Variants in LPP observed in about 807,000 individuals in gnomAD.
The protein encoded by LPP is lipoma-preferred partner.
In LPP, 38 loss-of-function variants were observed where a neutral mutation model predicts 60.4. The observed-to-expected ratio is 0.63, with a 90% CI of 0.49 to 0.83. The LOEUF (loss-of-function observed/expected upper bound fraction) is 0.83, where lower values mean the gene tolerates loss of function less well. Among genes scored for constraint, LPP ranks in the 40% least tolerant of loss-of-function variants. The pLI is 0.00. For missense variants in LPP, 902 were observed against 783.6 expected, an observed-to-expected ratio of 1.15 and a Z score of -1.80; for synonymous variants, 328 against 290.8, an observed-to-expected ratio of 1.13 and a Z score of -1.30.
chr3:188,681,557 C>T (rs1027714981), intron 7 of LPP, among the ~76,000 whole-genome samples: 8 of 152,084 alleles, frequency 5.3e-5, no homozygotes, highest in Non-Finnish European at 8.8e-5. Flanking sequence ...ATGCTTCCTG[C>T]GGACAGGATA....
chr3:188,818,608 A>G (rs1363724944), intron 9 of LPP, among the ~76,000 whole-genome samples: 2 of 152,176 alleles, frequency 1.3e-5, no homozygotes, highest in Non-Finnish European at 2.9e-5. Flanking sequence ...AGCTATTTAT[A>G]TGTGAGATTG....
chr3:188,655,090 C>T (rs1486807660), intron 7 of LPP, among the ~76,000 whole-genome samples: 1 of 152,052 alleles, frequency 6.6e-6, no homozygotes, highest in Non-Finnish European at 1.5e-5. Context: ...CAACTATGAC[C>T]AGAAGATACA....
At chr3:188,367,809 A>T (rs1036061885) in intron 3 of LPP, among the ~76,000 whole-genome samples, 1 of 152,176 alleles carries the variant, frequency 6.6e-6, no homozygotes, top group Non-Finnish European at 1.5e-5. Context: ...AATAAGCACA[A>T]CTTTCTTTTC....
intron 1 of LPP, among the ~76,000 whole-genome samples, chr3:188,222,303 C>T (rs534688020): frequency 3.5e-4 from 53 of 152,192 alleles, no homozygotes; most frequent in African/African-American, 7.2e-4. Flanking sequence ...GCTTACAAGA[C>T]GTGGTTTTAG....
intron 3 of LPP, among the ~76,000 whole-genome samples, chr3:188,360,254 A>G (rs1768881902): frequency 6.6e-6 from 1 of 152,120 alleles, no homozygotes. Context: ...AACCTGAGAG[A>G]GTGTGGGAGA....
chr3:188,251,097 C>G (rs546159021), intron 2 of LPP, among the ~76,000 whole-genome samples: 5 of 143,526 alleles, frequency 3.5e-5, no homozygotes, highest in Admixed American at 2.1e-4. Context: ...CTCTTTCTCT[C>G]TCTCTCTTTC....
intron 2 of LPP, among the ~76,000 whole-genome samples, chr3:188,267,485 A>C (rs1735991601): frequency 6.6e-6 from 1 of 152,174 alleles, no homozygotes; most frequent in African/African-American, 2.4e-5. Flanking sequence ...AAAATAATCA[A>C]AGTGCAGTTA....
At chr3:188,417,220 A>C (rs1008997945) in intron 4 of LPP, among the ~76,000 whole-genome samples, 1 of 152,028 alleles carries the variant, frequency 6.6e-6, no homozygotes, top group African/African-American at 2.4e-5. Context: ...CAGAATAGAT[A>C]AGTCTACTAG....
chr3:188,436,852 G>A (rs1792436534), intron 4 of LPP, among the ~76,000 whole-genome samples: 1 of 152,150 alleles, frequency 6.6e-6, no homozygotes, highest in African/African-American at 2.4e-5. Flanking sequence ...GGGATGGTGA[G>A]CAGGCAGAGT....
chr3:188,637,055 T>G (rs149471148), intron 7 of LPP, among the ~76,000 whole-genome samples: 2 of 150,168 alleles, frequency 1.3e-5, no homozygotes, highest in East Asian at 3.9e-4. Context: ...ATCAACAGAA[T>G]ATACATTTTT....
chr3:188,437,093 G>A lies in LPP; in HGVS notation c.193+30780G>A, dbSNP rs575718708. On this transcript the variant is annotated intron_variant, in intron 4 of 11. Coordinates refer to ENST00000617246, the MANE Select transcript of LPP (RefSeq NM_001375462.1). ...GGAATTAAGAACCATACCTTATTTAGCCATTTATACAGCTGCTTACCATGG... is the reference window on the plus strand; with the variant it reads ...GGAATTAAGAACCATACCTTATTTAACCATTTATACAGCTGCTTACCATGG... 5.9e-5 allele frequency among the ~76,000 whole-genome samples: 9 copies of A among 152,272 alleles called. No individual in the cohort carries two copies. The South Asian group carries it at 1.9e-3, about 32-fold the overall frequency.
chr3:188,676,705 G>A (rs1372075386), intron 7 of LPP, among the ~76,000 whole-genome samples: 2 of 152,034 alleles, frequency 1.3e-5, no homozygotes, highest in Non-Finnish European at 2.9e-5. Flanking sequence ...CTTATACAGA[G>A]GGAACAAAAT....
intron 4 of LPP, among the ~76,000 whole-genome samples, chr3:188,423,159 C>G (rs1788323164): frequency 6.6e-6 from 1 of 151,922 alleles, no homozygotes; most frequent in Admixed American, 6.6e-5. Context: ...TCCATGTGTT[C>G]TCACTGTTCA....
chr3:188,718,650 G>A (rs1483115971), intron 8 of LPP, among the ~76,000 whole-genome samples: 2 of 152,056 alleles, frequency 1.3e-5, no homozygotes, highest in Admixed American at 1.3e-4. Flanking sequence ...GTTCAGTATT[G>A]TGTTCCTATC....
At chr3:188,726,865 G>A (rs1718597152) in intron 8 of LPP, among the ~76,000 whole-genome samples, 1 of 152,076 alleles carries the variant, frequency 6.6e-6, no homozygotes, top group African/African-American at 2.4e-5. Context: ...GAAAACAGCA[G>A]CTAAAAAAAG....
chr3:188,679,186 A>G (rs1007780190), intron 7 of LPP, among the ~76,000 whole-genome samples: 3 of 152,212 alleles, frequency 2.0e-5, no homozygotes, highest in Non-Finnish European at 2.9e-5. Flanking sequence ...TGGACCAACT[A>G]CTAACTGCAT....
chr3:188,864,593 T>C (rs1324507460), intron 9 of LPP, among the ~76,000 whole-genome samples: 1 of 152,184 alleles, frequency 6.6e-6, no homozygotes, highest in Non-Finnish European at 1.5e-5. Flanking sequence ...AGTGGGACCA[T>C]TGAGGAAGGC....
intron 3 of LPP, among the ~76,000 whole-genome samples, chr3:188,399,997 A>T (rs539385101): frequency 3.9e-5 from 6 of 152,112 alleles, no homozygotes; most frequent in Non-Finnish European, 8.8e-5. Context: ...TTTCCCACCT[A>T]CGTGGGGCGG....
chr3:188,535,805 ACT>A (rs1233046695), intron 6 of LPP, among the ~76,000 whole-genome samples: 2 of 152,058 alleles, frequency 1.3e-5, no homozygotes, highest in East Asian at 1.9e-4. Context: ...AGAAATATCA[ACT>A]CTTTTTCTAT....
Sources: gnomAD v4.1 joint callset for allele counts (sites outside exome capture counted in the v4.1 genomes callset) on GRCh38, gnomAD v4.1.1 for gene constraint, MANE v1.5 for transcripts, NCBI Gene and HGNC (gene_info 2026-07-23, HGNC 2026-07-21) for gene names.